The following FNIP1 variants were observed in gnomAD, a reference collection of about 807,000 sequenced individuals.
The protein encoded by FNIP1 is folliculin interacting protein 1.
A neutral mutation model predicts 124.5 loss-of-function variants in FNIP1; 40 were observed. That is an observed-to-expected ratio of 0.32 (90% CI 0.25 to 0.42). The LOEUF (loss-of-function observed/expected upper bound fraction) is 0.42. Ranked by LOEUF, FNIP1 falls within the 10% of genes least tolerant of loss-of-function variation. The pLI is 1.00. For synonymous variants in FNIP1, 472 were observed against 470.6 expected (o/e 1.00, Z -0.04); for missense variants, 1,176 against 1,403.7 (o/e 0.84, Z 2.59).
At chr5:131,687,406 C>T (rs538773441) in intron 11 of FNIP1, among the ~76,000 whole-genome samples, 51 of 152,232 alleles carry the variant, frequency 3.4e-4, no homozygotes, top group Non-Finnish European at 1.5e-4. Context: ...ATACCTGGCC[C>T]AATTTCAGTT....
At chr5:131,782,905 C>T (rs1192882738) in intron 1 of FNIP1, among the ~76,000 whole-genome samples, 11 of 152,234 alleles carry the variant, frequency 7.2e-5, no homozygotes, top group African/African-American at 2.7e-4. Context: ...TCAAGTGATC[C>T]GTCCGCCTCG....
chr5:131,671,816 T>C lies in FNIP1; in HGVS notation c.2628A>G (p.Lys876=). ...AAAATTCATTGTTCTGCTTGTTATT[T>C]TTTGTACACAATATTTTTGAAAACT... ...MLEFSKILCT[K]NNKQNNEFCK... The change falls in exon 14 of 18, where the codon AAA becomes AAG. Residue 876 remains lysine, a synonymous_variant. Transcript: ENST00000510461. The C allele has an allele frequency of 1.2e-6, 2 of 1,614,052 alleles. No individual in the cohort carries two copies. Among genetic ancestry groups the C allele is most frequent in the Non-Finnish European group, 1.7e-6 (2 of 1,180,024 alleles).
chr5:131,734,518 C>G (rs1770217555), intron 2 of FNIP1, among the ~76,000 whole-genome samples: 1 of 152,144 alleles, frequency 6.6e-6, no homozygotes, highest in Non-Finnish European at 1.5e-5. Context: ...TCAGAGTGAA[C>G]AGGCAACCTA....
intron 5 of FNIP1, among the ~76,000 whole-genome samples, chr5:131,717,856 A>G (rs975278918): frequency 6.6e-6 from 1 of 152,068 alleles, no homozygotes; most frequent in Non-Finnish European, 1.5e-5. Context: ...TTTGGCTTCA[A>G]TATTTTTTAA....
intron 1 of FNIP1, among the ~76,000 whole-genome samples, chr5:131,758,790 C>T (rs1342208660): frequency 6.6e-6 from 1 of 152,056 alleles, no homozygotes; most frequent in Non-Finnish European, 1.5e-5. Context: ...ACTCCTGTAA[C>T]ACACATTACT....
chr5:131,751,400 T>C (rs973100835), intron 1 of FNIP1, among the ~76,000 whole-genome samples: 1 of 152,124 alleles, frequency 6.6e-6, no homozygotes, highest in Non-Finnish European at 1.5e-5. Flanking sequence ...GTAATTTATC[T>C]GTTCACATGC....
chr5:131,725,259 G>A (rs1462133941), intron 3 of FNIP1, among the ~76,000 whole-genome samples: 1 of 152,118 alleles, frequency 6.6e-6, no homozygotes, highest in Non-Finnish European at 1.5e-5. Flanking sequence ...TAGATTGATG[G>A]GGATAGCATT....
intron 1 of FNIP1, among the ~76,000 whole-genome samples, chr5:131,783,957 T>A (rs1221246237): frequency 2.1e-5 from 3 of 144,818 alleles, no homozygotes; most frequent in Non-Finnish European, 4.5e-5. Flanking sequence ...ACAGGAATAA[T>A]CCAAAGAGGA....
At position 131,740,280 on chromosome 5, in the gene FNIP1, A is replaced by G. The variant is rs1770470753; in HGVS notation, c.219+4284T>C. 3.3e-5 allele frequency among the ~76,000 whole-genome samples: 5 copies of G among 152,174 alleles called. No homozygotes were observed. In the South Asian group the frequency reaches 1.0e-3, roughly 31 times the overall value. ...CTATTTGCATATATTGAGCTTACTG[A>G]TTTCTGTATATTAACCTAAATCCAA... is the stretch of plus-strand genomic sequence containing the variant. On this transcript the variant is annotated intron_variant, in intron 2 of 17. Transcript: ENST00000510461.
rs764067406 is a variant in FNIP1 at position 131,672,096 on chromosome 5, G to A, written c.2348C>T (p.Pro783Leu). The A allele has an allele frequency of 1.2e-6, 2 of 1,614,138 alleles. No individual in the cohort carries two copies. Among genetic ancestry groups the A allele is most frequent in the African/African-American group, 2.7e-5 (2 of 75,012 alleles). ...AATAGCCCCTCTTTCTTCCTTCAAT[G>A]GTTTGGTGTGATGTCTGGTAATCTG... ...VDQITRHHTKPLKEERGAIDQ... is the reference protein window; with the variant it reads ...VDQITRHHTKLLKEERGAIDQ... Residue 783 changes from proline to leucine, a missense_variant, in exon 14 of 18, where the codon CCA (proline) becomes CTA (leucine). Around this residue, in one of 2 missense-constraint regions of FNIP1, gnomAD observed 1,109 missense variants for 1,288.5 expected, o/e 0.86. Coordinates refer to ENST00000510461, the MANE Select transcript of FNIP1 (RefSeq NM_133372.3).
At chr5:131,780,681 G>A (rs1027918396) in intron 1 of FNIP1, among the ~76,000 whole-genome samples, 1 of 151,966 alleles carries the variant, frequency 6.6e-6, no homozygotes, top group Non-Finnish European at 1.5e-5. Context: ...TGTTTTGGGG[G>A]CACCAGGAAC....
Position 131,672,513 on chromosome 5 carries a change from G to A in FNIP1, c.1931C>T (p.Ser644Leu), listed in dbSNP as rs1369032916. 6.2e-7 allele frequency: 1 copy of A among 1,613,656 alleles called. No homozygotes were observed. The highest frequency in any genetic ancestry group is 8.5e-7 in the Non-Finnish European group (1 of 1,180,026). ...QNSSKELLGISDECQMISPSD... is the reference protein window; with the variant it reads ...QNSSKELLGILDECQMISPSD... ...AGGAGAAATCATCTGGCACTCATCTGAAATTCCTAGCAGCTCCTTAGAGCT... is the reference window on the plus strand; with the variant it reads ...AGGAGAAATCATCTGGCACTCATCTAAAATTCCTAGCAGCTCCTTAGAGCT... The change falls in exon 14 of 18, where the codon TCA becomes TTA. Residue 644 changes from serine to leucine, a missense_variant. This residue lies in a region of FNIP1 where 1,109 missense variants were observed against 1,288.5 expected (regional missense o/e 0.86). Coordinates refer to ENST00000510461, the MANE Select transcript of FNIP1 (RefSeq NM_133372.3).
At chr5:131,794,336 G>A (rs1189613030) in intron 1 of FNIP1, among the ~76,000 whole-genome samples, 1 of 150,502 alleles carries the variant, frequency 6.6e-6, no homozygotes, top group Non-Finnish European at 1.5e-5. Context: ...AAGAGATTGT[G>A]AAGAACCTGT....
intron 15 of FNIP1, among the ~76,000 whole-genome samples, chr5:131,666,175 C>T (rs1179066564): frequency 6.6e-6 from 1 of 152,286 alleles, no homozygotes; most frequent in East Asian, 1.9e-4. Context: ...CTGTGAGCCA[C>T]CGTGCCTGGC....
In FNIP1 at chr5:131,672,262, C is replaced by T. The variant is rs2149515041; in HGVS notation, c.2182G>A (p.Val728Ile). 1.2e-6 allele frequency: 2 copies of T among 1,614,136 alleles called. No individual in the cohort carries two copies. Among genetic ancestry groups the T allele is most frequent in the Non-Finnish European group, 1.7e-6 (2 of 1,179,998 alleles). Reference sequence around the variant, plus strand: ...TTATCTGGAGGTTTTTTTTCCACAACCATTCCTGTGGATCTCATTGCTTTG... The same window carrying T: ...TTATCTGGAGGTTTTTTTTCCACAATCATTCCTGTGGATCTCATTGCTTTG... ...TGKAMRSTGM[V>I]VEKKPPDKIV... Residue 728 changes from valine (V) to isoleucine (I), a missense_variant, in exon 14 of 18, where the codon GTT becomes ATT. Transcript: ENST00000510461.
rs138124361 is a variant in FNIP1, at chr5:131,787,677, C to A, written c.92+9153G>T. On this transcript the variant is annotated intron_variant, in intron 1 of 17. Transcript: ENST00000510461. ...GGGATAATCAGACCTCTTTATAAAG[C>A]TATTGTGAGAATTAAATGAGTTAAT... 4.4e-3 allele frequency among the ~76,000 whole-genome samples: 673 copies of A among 152,254 alleles called. 12 individuals are homozygous for A. The highest frequency in any genetic ancestry group is 0.016 in the African/African-American group (654 of 41,538).
At chr5:131,782,917 C>G (rs1772043400) in intron 1 of FNIP1, among the ~76,000 whole-genome samples, 3 of 152,256 alleles carry the variant, frequency 2.0e-5, no homozygotes, top group African/African-American at 7.2e-5. Flanking sequence ...TCCGCCTCGG[C>G]CTCCCGACGT....
chr5:131,736,440 A>G (rs979717601), intron 2 of FNIP1, among the ~76,000 whole-genome samples: 1 of 152,188 alleles, frequency 6.6e-6, no homozygotes, highest in East Asian at 1.9e-4. Flanking sequence ...ACGAACCACC[A>G]TTTCATCAGT....
At chr5:131,690,461 T>C (rs1446870062) in intron 11 of FNIP1, among the ~76,000 whole-genome samples, 1 of 152,148 alleles carries the variant, frequency 6.6e-6, no homozygotes, top group African/African-American at 2.4e-5. Flanking sequence ...CATGCTGTTC[T>C]TGTGATAGTG....
Sources: allele counts gnomAD v4.1 joint callset (sites outside exome capture counted in the v4.1 genomes callset), GRCh38; gene constraint gnomAD v4.1.1; regional missense constraint gnomAD v4.1.1; transcripts MANE v1.5; gene names NCBI Gene and HGNC (gene_info 2026-07-23, HGNC 2026-07-21).